CYB5D1: variants seen among roughly 807,000 people sequenced by gnomAD.
The protein encoded by CYB5D1 is cytochrome b5 domain containing 1, also known as cytochrome b5 domain-containing protein 1.
In CYB5D1, 30 loss-of-function variants were observed where a neutral mutation model predicts 24.3. The observed-to-expected ratio is 1.23, with a 90% confidence interval of 0.92 to 1.67. The LOEUF is 1.67. Ranked by LOEUF, CYB5D1 falls within the 40% of genes most tolerant of loss-of-function variation. CYB5D1 has a pLI of 0.00. For missense variants in CYB5D1, 265 were observed against 296.7 expected, an observed-to-expected ratio of 0.89 and a Z score of 0.79; for synonymous variants, 128 against 123.2, an observed-to-expected ratio of 1.04 and a Z score of -0.26.
chr17:7,859,738 G>A lies in CYB5D1; in HGVS notation c.*126G>A. On this transcript the variant is annotated 3_prime_UTR_variant, in exon 4 of 4. Transcript: ENST00000332439. ...GATCTCCACTCCTCTCCAGGAGCTA[G>A]CCTGTGCCCTTCTGAAGTGTAAAGG... The A allele has an allele frequency of 3.8e-6, 3 of 787,930 alleles. No individual in the cohort carries two copies. 48.8% of individuals were successfully genotyped at this position (787,930 alleles called of 1,614,324 possible).
Position 7,859,893 on chromosome 17 carries a change from C to T in CYB5D1, c.*281C>T. ...GAGGATAGTCAGAGTTCAGGCAGAA[C>T]TGTTTGATAGTTAAGAGAGAGTAGT... On this transcript the variant is annotated 3_prime_UTR_variant, in exon 4 of 4. Transcript: ENST00000332439. 1 of 435,900 alleles carries T rather than the reference C, an allele frequency of 2.3e-6. No individual in the cohort carries two copies. The highest frequency in any genetic ancestry group is 2.5e-5 in the South Asian group (1 of 40,050). The allele number at this position is 435,900 out of a possible 1,614,324, so 27.0% of individuals were successfully genotyped here.
In CYB5D1 at chr17:7,858,353, C is replaced by T. The variant is rs748868763; in HGVS notation, c.161-50C>T. On this transcript the variant is annotated intron_variant, in intron 1 of 3. Transcript: ENST00000332439. ...TGTGTGTGTGCACGCGCGCGTTTGCCTGGTTCTCGAAGGGCTGGCATTGAC... is the reference window on the plus strand; with the variant it reads ...TGTGTGTGTGCACGCGCGCGTTTGCTTGGTTCTCGAAGGGCTGGCATTGAC... The T allele has an allele frequency of 1.7e-5, 27 of 1,613,952 alleles. No individual in the cohort carries two copies. In the African/African-American group the frequency reaches 3.2e-4, roughly 19 times the overall value.
At chr17:7,859,306 G>A in intron 3 of CYB5D1, 76 bp from the exon 4 acceptor site, 1 of 1,203,344 alleles carries the variant, frequency 8.3e-7, no homozygotes, top group Non-Finnish European at 1.2e-6. Flanking sequence ...TGCCAAGGGA[G>A]GCACTTTGAT....
chr17:7,859,893 C>A lies in CYB5D1; in HGVS notation c.*281C>A. On this transcript the variant is annotated 3_prime_UTR_variant, in exon 4 of 4. Coordinates refer to ENST00000332439, the MANE Select transcript of CYB5D1 (RefSeq NM_144607.6). The stretch of plus-strand genomic sequence containing the variant: ...GAGGATAGTCAGAGTTCAGGCAGAA[C>A]TGTTTGATAGTTAAGAGAGAGTAGT... The A allele has an allele frequency of 2.3e-6, 1 of 435,900 alleles. No individual in the cohort carries two copies. The highest frequency in any genetic ancestry group is 4.2e-6 in the Non-Finnish European group (1 of 238,302). 27.0% of individuals were successfully genotyped at this position (435,900 alleles called of 1,614,324 possible).
In CYB5D1 at chr17:7,859,512, T is replaced by A. The variant is rs750122461; in HGVS notation, c.587T>A (p.Ile196Asn). 13 of 1,614,096 alleles carry A rather than the reference T, an allele frequency of 8.1e-6. No individual in the cohort carries two copies. Among genetic ancestry groups the A allele is most frequent in the Non-Finnish European group, 1.0e-5 (12 of 1,180,004 alleles). Residue 196 changes from isoleucine to asparagine, a missense_variant, in exon 4 of 4, where the codon ATC becomes AAC. Ile to Asn is a moderately radical substitution (Grantham distance 149). Transcript: ENST00000332439. ...GATTTTACCCTGGAAGAGAATGGGA[T>A]CCGGGATGAGGAGGAAGAATTTGAC... ...NMDFTLEENG[I>N]RDEEEEFDYL...
chr17:7,858,489 G>C lies in CYB5D1; in HGVS notation c.237+10G>C. On this transcript the variant is annotated intron_variant, in intron 2 of 3. Coordinates refer to ENST00000332439, the MANE Select transcript of CYB5D1 (RefSeq NM_144607.6). ...TCCAAAGACCAGAGACGTGAGTTAT[G>C]CTGGAACCTGGGATTGTGGGTAGAG... The C allele has an allele frequency of 1.2e-6, 2 of 1,614,182 alleles. No homozygotes were observed. Among genetic ancestry groups the C allele is most frequent in the Non-Finnish European group, 1.7e-6 (2 of 1,180,024 alleles).
rs774975803 is a variant in CYB5D1, at chr17:7,858,875, A to C, written c.456+51A>C. On this transcript the variant is annotated intron_variant, in intron 3 of 3. Transcript: ENST00000332439. ...TTAGAAGGAATGGGGAATCCCAGCA[A>C]ATCTCCAGGCCGATCTTCAGGGCAA... 4.1e-6 allele frequency: 6 copies of C among 1,460,372 alleles called. No homozygotes were observed. In the African/African-American group the frequency reaches 7.1e-5, roughly 17 times the overall value. 90.5% of individuals were successfully genotyped at this position (1,460,372 alleles called of 1,614,324 possible).
At chr17:7,858,343 G>A (rs2078850791) in intron 1 of CYB5D1, 49 bp downstream of exon 1, 1 of 1,614,014 alleles carries the variant, frequency 6.2e-7, no homozygotes, top group South Asian at 1.1e-5. Flanking sequence ...GTGTGCACGC[G>A]CGCGTTTGCC....
At chr17:7,858,373 A>G in intron 1 of CYB5D1, 30 bp from the exon 2 acceptor site, 1 of 1,614,124 alleles carries the variant, frequency 6.2e-7, no homozygotes, top group African/African-American at 1.3e-5. Flanking sequence ...AAGGGCTGGC[A>G]TTGACAGTGG....
At position 7,860,488 on chromosome 17, in the gene CYB5D1, A is replaced by C. The variant is rs2078875060; in HGVS notation, c.*876A>C. ...AGATAAGTCCTTCGAAACTTTGGAA[A>C]GTTTAATAGCTCAAAGCCACACTAG... On this transcript the variant is annotated 3_prime_UTR_variant, in exon 4 of 4. Coordinates refer to ENST00000332439, the MANE Select transcript of CYB5D1 (RefSeq NM_144607.6). The C allele has an allele frequency of 6.6e-6, 1 of 152,162 alleles. No individual in the cohort carries two copies. Among genetic ancestry groups the C allele is most frequent in the African/African-American group, 2.4e-5 (1 of 41,430 alleles). 9.4% of individuals were successfully genotyped at this position (152,162 alleles called of 1,614,324 possible). A position where few individuals can be genotyped will look rare whatever the true frequency, so the allele number is the denominator to read the frequency against.
Position 7,859,558 on chromosome 17 carries a change from A to AC in CYB5D1, c.634dup (p.Leu212ProfsTer12), listed in dbSNP as rs1284918294. On this transcript the variant is annotated frameshift_variant, in exon 4 of 4. Coordinates refer to ENST00000332439, the MANE Select transcript of CYB5D1 (RefSeq NM_144607.6). LOFTEE classifies it high-confidence loss of function. Reference sequence around the variant, plus strand: ...TTGACTATCTCAGTATGGACGGTACACTTCACACACCTGCAATACTTCTGT... The same window carrying AC: ...TTGACTATCTCAGTATGGACGGTACACCTTCACACACCTGCAATACTTCTGT... 5 of 1,614,086 alleles carry AC rather than the reference A, an allele frequency of 3.1e-6. No individual in the cohort carries two copies. The highest frequency in any genetic ancestry group is 4.2e-6 in the Non-Finnish European group (5 of 1,180,048).
intron 3 of CYB5D1, 110 bp downstream of exon 3, chr17:7,858,934 T>C: frequency 2.8e-6 from 3 of 1,059,894 alleles, no homozygotes; most frequent in Non-Finnish European, 3.9e-6. Context: ...GTGTATTTTC[T>C]GTCCTTTACA....
At position 7,858,179 on chromosome 17, in the gene CYB5D1, T is replaced by G. The variant is rs1485879722; in HGVS notation, c.45T>G (p.Phe15Leu). Residue 15 changes from phenylalanine (F) to leucine (L), a missense_variant, in exon 1 of 4, where the codon TTT becomes TTG. Transcript: ENST00000332439. ...TGGCTGGGCCAGACTTGGAGTATTTTCAGCGTCGCTATTTCACGCCGGCGG... is the reference window on the plus strand; with the variant it reads ...TGGCTGGGCCAGACTTGGAGTATTTGCAGCGTCGCTATTTCACGCCGGCGG... The part of the protein sequence containing the change: ...GLVAGPDLEY[F>L]QRRYFTPAEV... The G allele has an allele frequency of 6.2e-6, 10 of 1,613,766 alleles. No homozygotes were observed. Among genetic ancestry groups the G allele is most frequent in the Non-Finnish European group, 5.9e-6 (7 of 1,180,012 alleles).
chr17:7,858,796 C>G lies in CYB5D1; in HGVS notation c.428C>G (p.Thr143Arg). 6.4e-7 allele frequency: 1 copy of G among 1,565,208 alleles called. No individual in the cohort carries two copies. The highest frequency in any genetic ancestry group is 8.7e-7 in the Non-Finnish European group (1 of 1,154,894). Residue 143 changes from threonine to arginine, a missense_variant, in exon 3 of 4, where the codon ACG (threonine) becomes AGG (arginine). Thr to Arg is a moderately conservative substitution (Grantham distance 71). Transcript: ENST00000332439. ...ACCCGGAGCATCCGCATCATTAACACGCTCACGTCGCAGGAGCACACACTG... is the reference window on the plus strand; with the variant it reads ...ACCCGGAGCATCCGCATCATTAACAGGCTCACGTCGCAGGAGCACACACTG... ...AKTRSIRIIN[T>R]LTSQEHTLEV...
chr17:7,858,229 A>C lies in CYB5D1; in HGVS notation c.95A>C (p.Glu32Ala). The C allele has an allele frequency of 6.2e-7, 1 of 1,613,198 alleles. No individual in the cohort carries two copies. The highest frequency in any genetic ancestry group is 8.5e-7 in the Non-Finnish European group (1 of 1,179,228). Residue 32 changes from glutamate to alanine, a missense_variant, in exon 1 of 4, where the codon GAA (glutamate) becomes GCA (alanine). By Grantham distance (107) the Glu-to-Ala change is moderately radical. Transcript: ENST00000332439. The part of the protein sequence containing the change: ...PAEVAQHNRP[E>A]DLWVSYLGRV... ...GAGGTGGCCCAACATAACAGGCCCG[A>C]AGACCTCTGGGTATCTTACCTGGGA...
Position 7,858,817 on chromosome 17 carries a change from C to T in CYB5D1, c.449C>T (p.Thr150Ile), listed in dbSNP as rs753568540. 6 of 1,542,174 alleles carry T rather than the reference C, an allele frequency of 3.9e-6. No individual in the cohort carries two copies. The East Asian group carries it at 1.4e-4, about 35-fold the overall frequency. ...AACACGCTCACGTCGCAGGAGCACA[C>T]ACTGGAGGTGAGAACTGGTGACAAG... ...IINTLTSQEHTLEVGVLESIW... is the reference protein window; with the variant it reads ...IINTLTSQEHILEVGVLESIW... The change falls in exon 3 of 4, where the codon ACA becomes ATA. Residue 150 changes from threonine (T) to isoleucine (I), a missense_variant. By Grantham distance (89) the Thr-to-Ile change is moderately conservative. Coordinates refer to ENST00000332439, the MANE Select transcript of CYB5D1 (RefSeq NM_144607.6).
chr17:7,859,304 G>A, intron 3 of CYB5D1, 78 bp from the exon 4 acceptor site: 5 of 1,181,136 alleles, frequency 4.2e-6, no homozygotes, highest in South Asian at 3.9e-5. Flanking sequence ...TCTGCCAAGG[G>A]AGGCACTTTG....
At position 7,858,120 on chromosome 17, in the gene CYB5D1, G is replaced by C. The variant is rs781637256; in HGVS notation, c.-15G>C. The C allele has an allele frequency of 1.2e-6, 2 of 1,612,838 alleles. No homozygotes were observed. The highest frequency in any genetic ancestry group is 1.1e-5 in the South Asian group (1 of 91,020). On this transcript the variant is annotated 5_prime_UTR_variant, in exon 1 of 4. Transcript: ENST00000332439. ...GGAGTAACCAAGAGATCCAGTGACC[G>C]ACAGAGCAAGAGCCATGCCGCGCCG...
rs1390522061 is a variant in CYB5D1, at chr17:7,858,072, G to A, written c.-63G>A. On this transcript the variant is annotated 5_prime_UTR_variant, in exon 1 of 4. In the 5' UTR this introduces an upstream ATG that the reference lacks. Transcript: ENST00000332439. ...GGACGCGACGGAGGTCGTAGTAGTA[G>A]TGAGTACGTGCTGAGGAGCAAAGGA... The A allele has an allele frequency of 6.3e-7, 1 of 1,599,474 alleles. No individual in the cohort carries two copies. The highest frequency in any genetic ancestry group is 2.2e-5 in the East Asian group (1 of 44,752).
Sources: gnomAD v4.1 joint callset for allele counts on GRCh38, gnomAD v4.1.1 for gene constraint, MANE v1.5 for transcripts, NCBI Gene and HGNC (gene_info 2026-07-23, HGNC 2026-07-21) for gene names.